Variants in GTF2A1 observed in about 807,000 individuals in gnomAD.
GTF2A1 encodes transcription initiation factor IIA subunit 1.
A neutral mutation model predicts 54.1 loss-of-function variants in GTF2A1; 12 were observed. The ratio of observed to expected loss-of-function variants is 0.22; its 90% CI spans 0.14 to 0.36. The LOEUF (loss-of-function observed/expected upper bound fraction) is 0.36, where lower values mean the gene tolerates loss of function less well. GTF2A1 is among the 10% of genes least tolerant of loss of function. The pLI is 1.00. For synonymous variants in GTF2A1, 145 were observed against 152.0 expected, an observed-to-expected ratio of 0.95 and a Z score of 0.34; for missense variants, 335 against 442.2, an observed-to-expected ratio of 0.76 and a Z score of 2.17.
chr14:81,185,639 T>A lies in GTF2A1; in HGVS notation c.934-19A>T, dbSNP rs1892727555. 1 of 1,334,772 alleles carries A rather than the reference T, an allele frequency of 7.5e-7. No individual in the cohort carries two copies. Among genetic ancestry groups the A allele is most frequent in the Non-Finnish European group, 1.1e-6 (1 of 931,956 alleles). 82.7% of individuals were successfully genotyped at this position (1,334,772 alleles called of 1,614,324 possible). A position where few individuals can be genotyped will look rare whatever the true frequency, so the allele number is the denominator to read the frequency against. On this transcript the variant is annotated intron_variant, in intron 7 of 8. Transcript: ENST00000553612. ...GGGGCTCCTACAAATAAAAGGAGAG[T>A]TCTTATTACTATAAGAAGGCCTTAA...
intron 6 of GTF2A1, among the ~76,000 whole-genome samples, chr14:81,193,098 C>G (rs1892912131): frequency 6.6e-6 from 1 of 151,812 alleles, no homozygotes; most frequent in African/African-American, 2.4e-5. Context: ...TGCCAGCTAC[C>G]AGGACAAAAG....
intron 6 of GTF2A1, among the ~76,000 whole-genome samples, chr14:81,195,882 C>T (rs1335947837): frequency 6.6e-6 from 1 of 151,984 alleles, no homozygotes; most frequent in Non-Finnish European, 1.5e-5. Flanking sequence ...AGTGCTGCCA[C>T]CTTCGAGGGG....
intron 1 of GTF2A1, 55 bp from the exon 2 acceptor site, chr14:81,216,569 T>A (rs975772725): frequency 1.3e-6 from 1 of 756,598 alleles, no homozygotes; most frequent in Non-Finnish European, 2.3e-6. Context: ...GCTTATAATG[T>A]ATAACAGGTT....
chr14:81,184,412 A>G (rs986147897), intron 8 of GTF2A1, among the ~76,000 whole-genome samples: 2 of 152,160 alleles, frequency 1.3e-5, no homozygotes, highest in East Asian at 1.9e-4. Context: ...TATACTGCAC[A>G]TGGTATATGG....
In GTF2A1 at chr14:81,192,506, A is replaced by C; in HGVS notation, c.933+13T>G. On this transcript the variant is annotated intron_variant, in intron 7 of 8. Coordinates refer to ENST00000553612, the MANE Select transcript of GTF2A1 (RefSeq NM_015859.4). ...TCAAGTAGATTATTTTAAGTATGTT[A>C]CTAGAAACTTACTTCTTCCACCTGC... 6.3e-7 allele frequency: 1 copy of C among 1,574,912 alleles called. No individual in the cohort carries two copies. The highest frequency in any genetic ancestry group is 2.2e-5 in the East Asian group (1 of 44,640).
rs1229024857 is a variant in GTF2A1, at chr14:81,220,778, G to A, written c.-260C>T. The stretch of plus-strand genomic sequence containing the variant: ...GCCACGACCCTTCAGGGGTCCGGGG[G>A]GCGTTGCCCGCTCCCCACCCCGCGC... On this transcript the variant is annotated 5_prime_UTR_variant, in exon 1 of 9. Transcript: ENST00000553612. 7 of 363,006 alleles carry A rather than the reference G, an allele frequency of 1.9e-5. No individual in the cohort carries two copies. Among genetic ancestry groups the A allele is most frequent in the Non-Finnish European group, 3.5e-5 (7 of 202,202 alleles). The allele number at this position is 363,006 out of a possible 1,614,324, so 22.5% of individuals were successfully genotyped here. A position where few individuals can be genotyped will look rare whatever the true frequency, so the allele number is the denominator to read the frequency against.
intron 4 of GTF2A1, among the ~76,000 whole-genome samples, chr14:81,198,530 C>T (rs1275620338): frequency 6.6e-6 from 1 of 152,210 alleles, no homozygotes. Context: ...AAATCCAGGA[C>T]AAATTCTTGA....
chr14:81,178,315 A>G lies in GTF2A1; in HGVS notation c.*1908T>C, dbSNP rs889162511. ...AAACCTACTAGCAACTATATTGAAG[A>G]ACAGTTGAACAACAGCACTTCTGTG... On this transcript the variant is annotated 3_prime_UTR_variant, in exon 9 of 9. Transcript: ENST00000553612. The G allele has an allele frequency of 1.3e-5, 2 of 152,150 alleles. No individual in the cohort carries two copies. The highest frequency in any genetic ancestry group is 2.9e-5 in the Non-Finnish European group (2 of 68,010). The allele number at this position is 152,150 out of a possible 1,614,324, so 9.4% of individuals were successfully genotyped here. A position where few individuals can be genotyped will look rare whatever the true frequency, so the allele number is the denominator to read the frequency against.
At chr14:81,181,610 T>A (rs1420011387) in intron 8 of GTF2A1, among the ~76,000 whole-genome samples, 1 of 152,200 alleles carries the variant, frequency 6.6e-6, no homozygotes, top group Admixed American at 6.5e-5. Context: ...AATGGCACGA[T>A]CTTGGCTCAC....
intron 2 of GTF2A1, among the ~76,000 whole-genome samples, chr14:81,212,030 C>CAGA (rs1163021874): frequency 1.3e-5 from 2 of 151,420 alleles, no homozygotes; most frequent in Non-Finnish European, 2.9e-5. Flanking sequence ...ATCTAGTGGG[C>CAGA]AGAGGCCAGT....
chr14:81,215,088 C>T (rs532720174), intron 2 of GTF2A1, among the ~76,000 whole-genome samples: 7 of 152,170 alleles, frequency 4.6e-5, no homozygotes, highest in African/African-American at 1.7e-4. Flanking sequence ...ATGAATTTTC[C>T]AACATTATGC....
intron 6 of GTF2A1, among the ~76,000 whole-genome samples, chr14:81,195,631 C>T (rs538325207): frequency 1.1e-4 from 1 of 9,322 alleles, no homozygotes; most frequent in Non-Finnish European, 2.2e-4. Context: ...GACTCTGTCT[C>T]GAAAAAAAAA....
At chr14:81,196,332 G>C (rs1227081116) in intron 5 of GTF2A1, 91 bp from the exon 6 acceptor site, 1 of 1,311,368 alleles carries the variant, frequency 7.6e-7, no homozygotes, top group Non-Finnish European at 1.1e-6. Context: ...ACCACCAAAG[G>C]CACAAGAAAT....
In GTF2A1 at chr14:81,177,384, T is replaced by C. The variant is rs1362750870; in HGVS notation, c.*2839A>G. ...GCACATTAAAGAGTTGTTTTAGCCA[T>C]ATGTGGCACTCCACAGAAATTAAAC... On this transcript the variant is annotated 3_prime_UTR_variant, in exon 9 of 9. Transcript: ENST00000553612. 4 of 152,156 alleles carry C rather than the reference T, an allele frequency of 2.6e-5. No homozygotes were observed. Among genetic ancestry groups the C allele is most frequent in the Non-Finnish European group, 5.9e-5 (4 of 67,980 alleles). 9.4% of individuals were successfully genotyped at this position (152,156 alleles called of 1,614,324 possible).
At chr14:81,220,257 AGGCCCCACCGGCGC>A (rs1893595152) in intron 1 of GTF2A1, among the ~76,000 whole-genome samples, 1 of 118,668 alleles carries the variant, frequency 8.4e-6, no homozygotes, top group African/African-American at 3.1e-5. Flanking sequence ...CGGCGGCCCC[AGGCCCCACCGGCGC>A]CCCCGCCCTC....
intron 2 of GTF2A1, among the ~76,000 whole-genome samples, chr14:81,212,014 A>G (rs925386092): frequency 2.0e-5 from 3 of 151,186 alleles, no homozygotes; most frequent in African/African-American, 4.9e-5. Context: ...GAAGAGTGCT[A>G]CTGGCATCTA....
At chr14:81,203,104 T>C (rs1324867121) in intron 3 of GTF2A1, among the ~76,000 whole-genome samples, 2 of 152,228 alleles carry the variant, frequency 1.3e-5, no homozygotes, top group East Asian at 1.9e-4. Flanking sequence ...ACTGAATAGA[T>C]GTTTGTCATG....
At position 81,177,399 on chromosome 14, in the gene GTF2A1, A is replaced by T. The variant is rs1892551867; in HGVS notation, c.*2824T>A. ...GTTTTAGCCATATGTGGCACTCCAC[A>T]GAAATTAAACATGCTCTCAGGCATT... On this transcript the variant is annotated 3_prime_UTR_variant, in exon 9 of 9. Coordinates refer to ENST00000553612, the MANE Select transcript of GTF2A1 (RefSeq NM_015859.4). The T allele has an allele frequency of 6.6e-6, 1 of 152,204 alleles. No homozygotes were observed. The highest frequency in any genetic ancestry group is 2.1e-4 in the South Asian group (1 of 4,836). The allele number at this position is 152,204 out of a possible 1,614,324, so 9.4% of individuals were successfully genotyped here.
At chr14:81,194,284 C>T (rs973308786) in intron 6 of GTF2A1, among the ~76,000 whole-genome samples, 45 of 152,200 alleles carry the variant, frequency 3.0e-4, no homozygotes, top group African/African-American at 1.1e-3. Context: ...AAAGTTTCAC[C>T]CCGAAACCAT....
Sources: allele counts gnomAD v4.1 joint callset (sites outside exome capture counted in the v4.1 genomes callset), GRCh38; gene constraint gnomAD v4.1.1; transcripts MANE v1.5; gene names NCBI Gene and HGNC (gene_info 2026-07-23, HGNC 2026-07-21).